Variants in TSHZ2 observed in about 807,000 individuals in gnomAD.
TSHZ2 encodes the protein teashirt homolog 2.
Under a neutral mutation model 74.4 loss-of-function variants are expected in TSHZ2, and 21 were observed. The observed-to-expected ratio is 0.28, with a 90% CI of 0.20 to 0.41. The LOEUF is 0.41. Ranked by LOEUF, TSHZ2 falls within the 10% of genes least tolerant of loss-of-function variation. The pLI is 1.00. For synonymous variants in TSHZ2, 540 were observed against 515.3 expected (o/e 1.05, Z -0.65); for missense variants, 1,244 against 1,293.5 (o/e 0.96, Z 0.59).
intron 1 of TSHZ2, among the ~76,000 whole-genome samples, chr20:53,047,981 G>A (rs912477998): frequency 6.6e-6 from 1 of 152,168 alleles, no homozygotes; most frequent in Non-Finnish European, 1.5e-5. Flanking sequence ...GACGGGATGT[G>A]GCCAAGTTAG....
chr20:53,366,477 A>G (rs156598), intron 2 of TSHZ2, among the ~76,000 whole-genome samples: 104,455 of 152,160 alleles, frequency 0.69, 40,537 homozygotes, highest in Non-Finnish European at 0.87. Flanking sequence ...ACATGATGAT[A>G]CCATTTCGGT....
intron 1 of TSHZ2, among the ~76,000 whole-genome samples, chr20:53,238,002 G>T (rs919220415): frequency 6.6e-6 from 1 of 152,202 alleles, no homozygotes; most frequent in South Asian, 2.1e-4. Context: ...TGGATAGAGG[G>T]GACTCTGGCT....
chr20:53,334,069 G>T (rs957501738), intron 2 of TSHZ2, among the ~76,000 whole-genome samples: 1 of 152,188 alleles, frequency 6.6e-6, no homozygotes, highest in Non-Finnish European at 1.5e-5. Flanking sequence ...TTCATCCTGG[G>T]CCCACATTCT....
At chr20:53,275,790 G>A (rs191262182) in intron 2 of TSHZ2, among the ~76,000 whole-genome samples, 20 of 152,256 alleles carry the variant, frequency 1.3e-4, no homozygotes, top group African/African-American at 4.1e-4. Context: ...AGCCAGGCGC[G>A]GTGGCACATG....
chr20:53,409,389 A>G (rs1008732545), intron 2 of TSHZ2, among the ~76,000 whole-genome samples: 8 of 152,116 alleles, frequency 5.3e-5, no homozygotes, highest in African/African-American at 1.7e-4. Flanking sequence ...TGTCTTGTCC[A>G]CTGTGTTTTA....
At chr20:53,208,451 C>T (rs1989225726) in intron 1 of TSHZ2, 1 of 152,152 alleles carries the variant, frequency 6.6e-6, no homozygotes, top group African/African-American at 2.4e-5. Context: ...AGAGGTGTAA[C>T]CCTGATTTGT....
At chr20:53,084,114 CA>C (rs1373679936) in intron 1 of TSHZ2, among the ~76,000 whole-genome samples, 7 of 152,116 alleles carry the variant, frequency 4.6e-5, no homozygotes, top group African/African-American at 1.7e-4. Flanking sequence ...TCCATAACTA[CA>C]AAAATTTTAT....
intron 2 of TSHZ2, among the ~76,000 whole-genome samples, chr20:53,376,929 G>C (rs1775483586): frequency 6.6e-6 from 1 of 152,186 alleles, no homozygotes; most frequent in Admixed American, 6.5e-5. Flanking sequence ...CACAGGCCTA[G>C]GCCAAATTCA....
At chr20:53,250,491 TA>T (rs914275118) in intron 1 of TSHZ2, among the ~76,000 whole-genome samples, 1 of 151,918 alleles carries the variant, frequency 6.6e-6, no homozygotes, top group Non-Finnish European at 1.5e-5. Context: ...GGTGTTTTTT[TA>T]AAAAAAACTC....
intron 1 of TSHZ2, among the ~76,000 whole-genome samples, chr20:53,159,354 A>G (rs78964205): frequency 2.6e-5 from 4 of 152,226 alleles, no homozygotes; most frequent in Admixed American, 2.0e-4. Flanking sequence ...TTATTGGCAC[A>G]CAGCCACTCT....
At chr20:53,384,618 A>T (rs1274368698) in intron 2 of TSHZ2, among the ~76,000 whole-genome samples, 1 of 152,172 alleles carries the variant, frequency 6.6e-6, no homozygotes, top group Non-Finnish European at 1.5e-5. Context: ...GCCTGTGTTC[A>T]ATTTTATAAA....
chr20:53,219,932 G>A (rs761840907), intron 1 of TSHZ2, among the ~76,000 whole-genome samples: 3 of 152,166 alleles, frequency 2.0e-5, no homozygotes, highest in Non-Finnish European at 4.4e-5. Flanking sequence ...TTGACTCCTC[G>A]ATTTTGCAAA....
At chr20:53,125,098 G>A (rs1401435142) in intron 1 of TSHZ2, among the ~76,000 whole-genome samples, 1 of 152,140 alleles carries the variant, frequency 6.6e-6, no homozygotes, top group Non-Finnish European at 1.5e-5. Flanking sequence ...TTTGGAATGC[G>A]ATTTTGTCAT....
intron 2 of TSHZ2, among the ~76,000 whole-genome samples, chr20:53,451,189 G>T (rs991163414): frequency 1.3e-5 from 2 of 152,206 alleles, no homozygotes; most frequent in Admixed American, 6.5e-5. Context: ...CCCCTATGAT[G>T]ATTCTTCTGT....
intron 1 of TSHZ2, among the ~76,000 whole-genome samples, chr20:53,044,303 CT>C (rs1984148486): frequency 6.6e-6 from 1 of 152,206 alleles, no homozygotes; most frequent in Non-Finnish European, 1.5e-5. Context: ...GATGCACAAC[CT>C]GTGACACATA....
intron 1 of TSHZ2, among the ~76,000 whole-genome samples, chr20:53,155,298 G>C (rs773338965): frequency 1.3e-5 from 2 of 152,042 alleles, no homozygotes; most frequent in African/African-American, 4.8e-5. Context: ...GAAAAGGTAG[G>C]AGTGGTGTTT....
At chr20:53,330,058 C>T (rs1449068234) in intron 2 of TSHZ2, among the ~76,000 whole-genome samples, 1 of 152,212 alleles carries the variant, frequency 6.6e-6, no homozygotes, top group Admixed American at 6.5e-5. Context: ...GGCAGAGTTA[C>T]AGAGACCATA....
intron 1 of TSHZ2, among the ~76,000 whole-genome samples, chr20:53,061,074 C>G (rs1015936682): frequency 3.9e-5 from 6 of 152,146 alleles, no homozygotes; most frequent in African/African-American, 1.4e-4. Flanking sequence ...TTTCTTGGTT[C>G]TAAGTACAAA....
At position 53,033,651 on chromosome 20, in the gene TSHZ2, CTTTTTTTTT is replaced by C. The variant is rs61445726; in HGVS notation, c.40+60335_40+60343del. 1.9e-3 allele frequency among the ~76,000 whole-genome samples: 110 copies of C among 59,030 alleles called. 2 individuals are homozygous for C. Among genetic ancestry groups the C allele is most frequent in the African/African-American group, 6.8e-3 (107 of 15,682 alleles). 38.7% of individuals were successfully genotyped at this position (59,030 alleles called of 152,430 possible). A position where few individuals can be genotyped will look rare whatever the true frequency, so the allele number is the denominator to read the frequency against. ...GCCCTCTGCATTGATTGATAAAAAG[CTTTTTTTTT>C]TTTTTTTTTTTTTTTTGGAGACAGG... On this transcript the variant is annotated intron_variant, in intron 1 of 2. Coordinates refer to ENST00000371497, the MANE Select transcript of TSHZ2 (RefSeq NM_173485.6).
Sources: allele counts gnomAD v4.1 joint callset (sites outside exome capture counted in the v4.1 genomes callset), GRCh38; gene constraint gnomAD v4.1.1; transcripts MANE v1.5; gene names NCBI Gene and HGNC (gene_info 2026-07-23, HGNC 2026-07-21).